Variants in PPP2R3C observed in about 807,000 individuals in gnomAD.
The protein encoded by PPP2R3C is protein phosphatase 2 regulatory subunit B''gamma.
In PPP2R3C, 47 loss-of-function variants were observed where a neutral mutation model predicts 63.7. That is an observed-to-expected ratio of 0.74 (90% confidence interval 0.58 to 0.94). The LOEUF (loss-of-function observed/expected upper bound fraction) is 0.94, where lower values mean the gene tolerates loss of function less well. Among genes scored for constraint, PPP2R3C ranks in the 40% least tolerant of loss-of-function variants. PPP2R3C has a pLI of 0.00. For synonymous variants in PPP2R3C, 180 were observed against 177.4 expected (o/e 1.01, Z -0.12); for missense variants, 421 against 518.4 (o/e 0.81, Z 1.82).
intron 1 of PPP2R3C, among the ~76,000 whole-genome samples, chr14:35,118,063 T>C (rs953956335): frequency 1.3e-5 from 2 of 152,194 alleles, no homozygotes; most frequent in African/African-American, 4.8e-5. Flanking sequence ...AGTGCTGTTG[T>C]AGAAAACTGC....
rs116591401 is a variant in PPP2R3C, at chr14:35,107,541, C to G, written c.503-167G>C. On this transcript the variant is annotated intron_variant, in intron 5 of 12. Transcript: ENST00000261475. ...AAAACCATAGAATGGAAGAGTTCAA[C>G]AATTCTACCATGACTAAAGCTATAA... 4.2e-3 allele frequency: 2,455 copies of G among 584,540 alleles called. 52 individuals are homozygous for G. The highest frequency in any genetic ancestry group is 0.041 in the African/African-American group (2,172 of 53,628). 36.2% of individuals were successfully genotyped at this position (584,540 alleles called of 1,614,324 possible). A position where few individuals can be genotyped will look rare whatever the true frequency, so the allele number is the denominator to read the frequency against.
chr14:35,117,231 C>G (rs2046736076), intron 1 of PPP2R3C: 2 of 453,138 alleles, frequency 4.4e-6, no homozygotes, highest in Non-Finnish European at 8.9e-6. Flanking sequence ...GCTCAAAACT[C>G]AGGGCTCTAT....
intron 1 of PPP2R3C, among the ~76,000 whole-genome samples, chr14:35,121,166 C>G (rs1331354956): frequency 1.3e-5 from 2 of 152,252 alleles, no homozygotes; most frequent in Non-Finnish European, 2.9e-5. Context: ...ATCACAAGGT[C>G]AGGAGTTTGA....
chr14:35,116,920 C>G (rs2138718141), intron 1 of PPP2R3C, among the ~76,000 whole-genome samples, 183 bp from the exon 2 acceptor site: 1 of 152,324 alleles, frequency 6.6e-6, no homozygotes, highest in Admixed American at 6.5e-5. Context: ...CTACCCTCTA[C>G]TGAAGCAGCC....
At chr14:35,107,970 G>GT (rs894748963) in intron 5 of PPP2R3C, 169 bp downstream of exon 5, 4 of 1,020,534 alleles carry the variant, frequency 3.9e-6, no homozygotes, top group Non-Finnish European at 5.2e-6. Context: ...AAAAATTTTT[G>GT]TTTTTTTATG....
chr14:35,087,305 T>C (rs749236166), intron 12 of PPP2R3C: 2 of 152,184 alleles, frequency 1.3e-5, no homozygotes, highest in Non-Finnish European at 1.5e-5. Context: ...GAACAGGCTG[T>C]TTGAGGTAGC....
In PPP2R3C at chr14:35,121,914, T is replaced by G; in HGVS notation, c.46A>C (p.Thr16Pro). Residue 16 changes from threonine to proline, a missense_variant, in exon 1 of 13, where the codon ACC (threonine) becomes CCC (proline). By Grantham distance (38) the Thr-to-Pro change is conservative. Coordinates refer to ENST00000261475, the MANE Select transcript of PPP2R3C (RefSeq NM_017917.4). ...VLRRRLATPN[T>P]CPNKKKSEQE... ...TCCCAAAACTCACTGTTTGGACAGG[T>G]GTTGGGCGTCGCTAGGCGCCGACGA... 1 of 1,613,906 alleles carries G rather than the reference T, an allele frequency of 6.2e-7. No individual in the cohort carries two copies. Among genetic ancestry groups the G allele is most frequent in the Non-Finnish European group, 8.5e-7 (1 of 1,179,960 alleles).
At chr14:35,089,196 G>C (rs929591113) in intron 11 of PPP2R3C, among the ~76,000 whole-genome samples, 1 of 151,976 alleles carries the variant, frequency 6.6e-6, no homozygotes, top group Non-Finnish European at 1.5e-5. Context: ...TTGACCTCCC[G>C]GACTCTAGTG....
chr14:35,093,042 C>G (rs1046696607), intron 10 of PPP2R3C, among the ~76,000 whole-genome samples: 1 of 148,832 alleles, frequency 6.7e-6, no homozygotes, highest in Admixed American at 6.7e-5. Context: ...AACTCCGTCT[C>G]TACTAAAAAT....
chr14:35,094,655 G>A (rs1243914254), intron 10 of PPP2R3C, among the ~76,000 whole-genome samples: 1 of 114,572 alleles, frequency 8.7e-6, no homozygotes, highest in African/African-American at 3.1e-5. Flanking sequence ...TAAAGACACT[G>A]TTACACAGTG....
intron 12 of PPP2R3C, 24 bp from the exon 13 acceptor site, chr14:35,085,802 T>C (rs531280670): frequency 6.4e-7 from 1 of 1,559,380 alleles, no homozygotes; most frequent in South Asian, 1.2e-5. Context: ...AAAAATACAA[T>C]GAAATTTGAT....
At chr14:35,087,572 G>T (rs1322346215) in intron 12 of PPP2R3C, 3 of 180,852 alleles carry the variant, frequency 1.7e-5, no homozygotes, top group Non-Finnish European at 3.5e-5. Flanking sequence ...GCTAATTTTT[G>T]TATTTTTAGT....
At chr14:35,099,465 A>G in intron 6 of PPP2R3C, 81 bp from the exon 7 acceptor site, 1 of 1,452,174 alleles carries the variant, frequency 6.9e-7, no homozygotes, top group Non-Finnish European at 9.2e-7. Flanking sequence ...AAAATTATTC[A>G]GCATTAATAC....
chr14:35,101,729 T>G (rs1333690941), intron 6 of PPP2R3C: 1 of 152,196 alleles, frequency 6.6e-6, no homozygotes, highest in Non-Finnish European at 1.5e-5. Flanking sequence ...TTAAGAAGCA[T>G]TTGAATTTTA....
At chr14:35,118,892 T>C (rs2046780689) in intron 1 of PPP2R3C, among the ~76,000 whole-genome samples, 1 of 151,896 alleles carries the variant, frequency 6.6e-6, no homozygotes, top group South Asian at 2.1e-4. Flanking sequence ...CCTCAGGTGA[T>C]CCACCCACTT....
At chr14:35,086,076 G>A (rs2045584071) in intron 12 of PPP2R3C, 2 of 281,142 alleles carry the variant, frequency 7.1e-6, no homozygotes, top group South Asian at 1.5e-4. Flanking sequence ...AGCTACATAG[G>A]TAATTAGTGG....
chr14:35,098,346 G>GTT (rs376634061), intron 7 of PPP2R3C, among the ~76,000 whole-genome samples: 2,643 of 93,516 alleles, frequency 0.028, 72 homozygotes, highest in African/African-American at 0.053. Context: ...CGCCTGGCTA[G>GTT]TTTTTTTTTT....
intron 12 of PPP2R3C, chr14:35,087,032 T>C (rs2045624837): frequency 6.6e-6 from 1 of 152,216 alleles, no homozygotes; most frequent in Non-Finnish European, 1.5e-5. Context: ...GTTTCAGAGA[T>C]AGTGACAAAG....
chr14:35,094,773 G>A (rs2045941828), intron 10 of PPP2R3C, among the ~76,000 whole-genome samples: 1 of 152,106 alleles, frequency 6.6e-6, no homozygotes, highest in Non-Finnish European at 1.5e-5. Flanking sequence ...GGCCAACCTG[G>A]TGAAACCCCA....
Sources: gnomAD v4.1 joint callset for allele counts (sites outside exome capture counted in the v4.1 genomes callset) on GRCh38, gnomAD v4.1.1 for gene constraint, MANE v1.5 for transcripts, NCBI Gene and HGNC (gene_info 2026-07-23, HGNC 2026-07-21) for gene names.